LRP1: variants seen among roughly 807,000 people sequenced by gnomAD.
LRP1 encodes prolow-density lipoprotein receptor-related protein 1.
LRP1 carries 51 observed loss-of-function variants against 541.5 expected under a neutral mutation model. The observed-to-expected ratio is 0.09, with a 90% CI of 0.08 to 0.12. LRP1 has a LOEUF of 0.12. Among genes scored for constraint, LRP1 ranks in the 10% least tolerant of loss-of-function variants. LRP1 has a pLI of 1.00. For synonymous variants in LRP1, 2,219 were observed against 2,470.8 expected (o/e 0.90, Z 3.02); for missense variants, 3,878 against 6,376.2 (o/e 0.61, Z 13.34).
chr12:57,191,161 T>C, intron 43 of LRP1, 152 bp downstream of exon 43: 1 of 1,109,944 alleles, frequency 9.0e-7, no homozygotes, highest in Non-Finnish European at 1.3e-6. Context: ...AACCCCACCC[T>C]GTCCAGCTTG....
Position 57,180,452 on chromosome 12 carries a change from G to A in LRP1, c.5359G>A (p.Gly1787Ser). 1 of 1,614,104 alleles carries A rather than the reference G, an allele frequency of 6.2e-7. No individual in the cohort carries two copies. The highest frequency in any genetic ancestry group is 8.5e-7 in the Non-Finnish European group (1 of 1,180,042). The part of the protein sequence containing the change: ...EVIDAMRSQL[G>S]KATALAIMGD... ...CATCGATGCCATGCGGAGCCAGCTG[G>A]GCAAGGCCACCGCCCTGGCCATCAT... Residue 1787 changes from glycine (G) to serine (S), a missense_variant, in exon 32 of 89, where the codon GGC becomes AGC. This residue lies in a region of LRP1 where 394 missense variants were observed against 635.9 expected (regional missense o/e 0.62). Coordinates refer to ENST00000243077, the MANE Select transcript of LRP1 (RefSeq NM_002332.3).
At chr12:57,202,620 C>G (rs1416591371) in intron 68 of LRP1, 83 bp downstream of exon 68, 4 of 1,144,172 alleles carry the variant, frequency 3.5e-6, no homozygotes, top group East Asian at 5.2e-5. Flanking sequence ...CAGGCCGCGC[C>G]AGAGCTGGTG....
intron 42 of LRP1, among the ~76,000 whole-genome samples, chr12:57,188,505 T>C (rs533140555): frequency 1.7e-3 from 262 of 152,190 alleles, no homozygotes; most frequent in African/African-American, 6.1e-3. Context: ...CTGCAGCTGA[T>C]GATGAAGGTC....
In LRP1 at chr12:57,184,398, G is replaced by A. The variant is rs1403653145; in HGVS notation, c.6132G>A (p.Val2044=). The A allele has an allele frequency of 6.2e-7, 1 of 1,614,234 alleles. No individual in the cohort carries two copies. The highest frequency in any genetic ancestry group is 1.1e-5 in the South Asian group (1 of 91,090). Residue 2044 remains valine, a synonymous_variant, in exon 38 of 89, where the codon GTG becomes GTA. Transcript: ENST00000243077. This position sits in a 1 kb window ranked among gnomAD's most constrained non-coding sequence, Gnocchi z 7.8. ...ERSRLDGTER[V]VLVNVSISWP... ...CTCGGCTAGATGGCACGGAGCGTGT[G>A]GTGCTGGTCAACGTCAGCATCAGCT...
chr12:57,182,786 A>AGC (rs1252455498), intron 34 of LRP1, among the ~76,000 whole-genome samples: 1 of 152,202 alleles, frequency 6.6e-6, no homozygotes, highest in Non-Finnish European at 1.5e-5. Context: ...ATTGTACTGC[A>AGC]GCCTGGGGAA....
chr12:57,166,220 G>A lies in LRP1; in HGVS notation c.2797+11G>A, dbSNP rs753404807. 1.9e-6 allele frequency: 3 copies of A among 1,595,336 alleles called. No homozygotes were observed. In the East Asian group the frequency reaches 6.9e-5, roughly 37 times the overall value. On this transcript the variant is annotated intron_variant, in intron 17 of 88. Transcript: ENST00000243077. ...ATGCCACTTGTTCAGGTGTGGAGCG[G>A]GGCTCAGATCACACGAGGCACCCCT...
intron 20 of LRP1, among the ~76,000 whole-genome samples, chr12:57,170,070 C>A (rs1052383450): frequency 3.3e-5 from 5 of 152,256 alleles, no homozygotes; most frequent in African/African-American, 4.8e-5. Context: ...GGCCTCTCCC[C>A]AGCCTCCGCG....
chr12:57,193,820 C>A, intron 47 of LRP1, 79 bp from the exon 48 acceptor site: 3 of 1,587,822 alleles, frequency 1.9e-6, no homozygotes, highest in Non-Finnish European at 2.6e-6. Flanking sequence ...GTGCTGTGGG[C>A]CAGGAGCTCT....
chr12:57,154,763 G>T lies in LRP1; in HGVS notation c.1227+62G>T, dbSNP rs1198536756. On this transcript the variant is annotated intron_variant, in intron 8 of 88. Coordinates refer to ENST00000243077, the MANE Select transcript of LRP1 (RefSeq NM_002332.3). The surrounding 1 kb of genome is among the most constrained non-coding windows in gnomAD (Gnocchi z 4.6). ...CATGATCCAGGGCCTTCTGGTGAGG[G>T]GGGAAGCCTCTGTAGGGGAACCGTT... 1 of 1,454,980 alleles carries T rather than the reference G, an allele frequency of 6.9e-7. No individual in the cohort carries two copies. Among genetic ancestry groups the T allele is most frequent in the Non-Finnish European group, 9.4e-7 (1 of 1,060,752 alleles). The allele number at this position is 1,454,980 out of a possible 1,614,324, so 90.1% of individuals were successfully genotyped here. A position where few individuals can be genotyped will look rare whatever the true frequency, so the allele number is the denominator to read the frequency against.
At chr12:57,196,738 G>A (rs1026840443) in intron 55 of LRP1, among the ~76,000 whole-genome samples, 6 of 152,252 alleles carry the variant, frequency 3.9e-5, no homozygotes, top group Admixed American at 3.3e-4. Context: ...CAGCTGCTGA[G>A]GCAGGAGAAC....
chr12:57,176,839 C>T (rs1039727763), intron 24 of LRP1, among the ~76,000 whole-genome samples: 1 of 151,756 alleles, frequency 6.6e-6, no homozygotes, highest in Non-Finnish European at 1.5e-5. Flanking sequence ...CTGCATCCAG[C>T]CTTGGTGACA....
rs752452662 is a variant in LRP1 at position 57,208,085 on chromosome 12, C to T, written c.11907C>T (p.Ala3969=). The change falls in exon 77 of 89, where the codon GCC becomes GCT. Residue 3969 remains alanine (A), a synonymous_variant. Transcript: ENST00000243077. ...MPRGIAIDWV[A]GNVYWTDSGR... is the part of the protein sequence containing the mutation. ...GAGGCATCGCCATCGACTGGGTGGCCGGAAACGTGTACTGGACCGACTCGG... is the reference window on the plus strand; with the variant it reads ...GAGGCATCGCCATCGACTGGGTGGCTGGAAACGTGTACTGGACCGACTCGG... 5.6e-6 allele frequency: 9 copies of T among 1,613,994 alleles called. No individual in the cohort carries two copies. The highest frequency in any genetic ancestry group is 1.6e-4 in the Middle Eastern group (1 of 6,084).
intron 34 of LRP1, 42 bp downstream of exon 34, chr12:57,181,333 A>C (rs1565737578): frequency 6.3e-7 from 1 of 1,582,862 alleles, no homozygotes; most frequent in Non-Finnish European, 8.6e-7. Flanking sequence ...CCAGCTCCCC[A>C]ACCCTGACCC....
intron 20 of LRP1, among the ~76,000 whole-genome samples, chr12:57,172,390 C>G (rs1400591796): frequency 6.6e-6 from 1 of 152,172 alleles, no homozygotes; most frequent in African/African-American, 2.4e-5. Flanking sequence ...AGGATGGTCT[C>G]GATCTCCCGA....
intron 1 of LRP1, among the ~76,000 whole-genome samples, chr12:57,135,250 G>A (rs1259288363): frequency 6.6e-6 from 1 of 152,222 alleles, no homozygotes; most frequent in East Asian, 1.9e-4. Context: ...TCTCATGCGG[G>A]CCAGGAGGCG....
chr12:57,202,329 C>A, intron 67 of LRP1, 92 bp from the exon 68 acceptor site: 1 of 1,025,558 alleles, frequency 9.8e-7, no homozygotes, highest in South Asian at 1.3e-5. Context: ...GGATGCCCAC[C>A]CTCCCTGCCA....
chr12:57,166,719 G>T (rs1339806228), intron 17 of LRP1, among the ~76,000 whole-genome samples: 3 of 150,342 alleles, frequency 2.0e-5, no homozygotes, highest in East Asian at 2.0e-4. Context: ...AACAAGGCAG[G>T]GTAGATCTCC....
chr12:57,138,834 G>A (rs575762288), intron 2 of LRP1, among the ~76,000 whole-genome samples: 74 of 152,226 alleles, frequency 4.9e-4, no homozygotes, highest in Non-Finnish European at 7.5e-4. Flanking sequence ...TCTCTGGGCT[G>A]ACAGCTTTGC....
In LRP1 at chr12:57,175,481, G is replaced by T. The variant is rs760065131; in HGVS notation, c.3569G>T (p.Gly1190Val). The change falls in exon 23 of 89, where the codon GGT becomes GTT. Residue 1190 changes from glycine (G) to valine (V), a missense_variant. By Grantham distance (109) the Gly-to-Val change is moderately radical. This residue lies in a region of LRP1 where 320 missense variants were observed against 547.9 expected (regional missense o/e 0.58). Coordinates refer to ENST00000243077, the MANE Select transcript of LRP1 (RefSeq NM_002332.3). Reference sequence around the variant, plus strand: ...CTAGACCAGTGCTCTCTGAATAACGGTGGCTGCAGCCACAACTGCTCAGTG... The same window carrying T: ...CTAGACCAGTGCTCTCTGAATAACGTTGGCTGCAGCCACAACTGCTCAGTG... ...ELCDQCSLNN[G>V]GCSHNCSVAP... 5.0e-6 allele frequency: 8 copies of T among 1,613,674 alleles called. No individual in the cohort carries two copies. The highest frequency in any genetic ancestry group is 6.8e-6 in the Non-Finnish European group (8 of 1,180,026).
Sources: gnomAD v4.1 joint callset for allele counts (sites outside exome capture counted in the v4.1 genomes callset) on GRCh38, gnomAD v4.1.1 for gene constraint, gnomAD v4.1.1 regional missense constraint, Gnocchi (gnomAD v3.1) non-coding constraint, MANE v1.5 for transcripts, NCBI Gene and HGNC (gene_info 2026-07-23, HGNC 2026-07-21) for gene names.